PPP2R5A: variants seen among roughly 807,000 people sequenced by gnomAD.
PPP2R5A encodes serine/threonine-protein phosphatase 2A 56 kDa regulatory subunit alpha isoform.
Under a neutral mutation model 64.2 loss-of-function variants are expected in PPP2R5A, and 25 were observed. The ratio of observed to expected loss-of-function variants is 0.39; its 90% CI spans 0.28 to 0.54. PPP2R5A has a LOEUF of 0.54. PPP2R5A is among the 20% of genes least tolerant of loss of function. The probability of loss-of-function intolerance (pLI) is 0.67; values close to 1 mark genes in which losing one functional copy is unlikely to be tolerated. For synonymous variants in PPP2R5A, 198 were observed against 201.2 expected (o/e 0.98, Z 0.13); for missense variants, 425 against 576.3 (o/e 0.74, Z 2.69).
At chr1:212,351,936 CTT>C (rs1007001859) in intron 8 of PPP2R5A, among the ~76,000 whole-genome samples, 2 of 151,588 alleles carry the variant, frequency 1.3e-5, no homozygotes, top group African/African-American at 4.8e-5. Flanking sequence ...GAAAATCTAA[CTT>C]GAGCCCCAAA....
At chr1:212,329,397 TGA>T in intron 2 of PPP2R5A, 66 bp downstream of exon 2, 1 of 1,272,644 alleles carries the variant, frequency 7.9e-7, no homozygotes, top group Non-Finnish European at 1.0e-6. Context: ...AATAATGAAT[TGA>T]GACTGATTTT....
intron 1 of PPP2R5A, chr1:212,299,689 A>G (rs906942237): frequency 6.6e-6 from 1 of 152,196 alleles, no homozygotes; most frequent in Admixed American, 6.5e-5. Context: ...TTTTCCACAT[A>G]CTTTTGTGCT....
chr1:212,348,327 G>A, intron 6 of PPP2R5A, 62 bp from the exon 7 acceptor site: 1 of 1,042,650 alleles, frequency 9.6e-7, no homozygotes. Flanking sequence ...TCATGGATAT[G>A]ACAGCTTTTA....
intron 7 of PPP2R5A, among the ~76,000 whole-genome samples, 157 bp downstream of exon 7, chr1:212,348,654 T>C (rs1163529570): frequency 6.6e-6 from 1 of 152,238 alleles, no homozygotes; most frequent in Non-Finnish European, 1.5e-5. Flanking sequence ...TTAAAGTATT[T>C]AGTTGTTAAG....
In PPP2R5A at chr1:212,324,885, A is replaced by G. The variant is rs577919417; in HGVS notation, c.182-4250A>G. Among the ~76,000 whole-genome samples, 6 of 152,204 alleles carry G rather than the reference A, an allele frequency of 3.9e-5. 1 individual carries two copies. The highest frequency in any genetic ancestry group is 4.1e-4 in the South Asian group (2 of 4,826). On this transcript the variant is annotated intron_variant, in intron 1 of 12. Transcript: ENST00000261461. ...CTCCCAAAGTGCTGGGATTACAAGC[A>G]TGAGCCACCGCACCTGGCATGATTA...
rs529559178 is a variant in PPP2R5A at position 212,331,099 on chromosome 1, C to T, written c.378+1768C>T. Among the ~76,000 whole-genome samples, 6 of 147,056 alleles carry T rather than the reference C, an allele frequency of 4.1e-5. No homozygotes were observed. In the East Asian group the frequency reaches 6.0e-4, roughly 15 times the overall value. On this transcript the variant is annotated intron_variant, in intron 2 of 12. Coordinates refer to ENST00000261461, the MANE Select transcript of PPP2R5A (RefSeq NM_006243.4). ...CGGAGAATTGCTCGAACCTGGGAGG[C>T]GGAGGTTGCAGTGGGCCAAGATTGT...
At chr1:212,327,477 C>G (rs1659425575) in intron 1 of PPP2R5A, among the ~76,000 whole-genome samples, 1 of 152,142 alleles carries the variant, frequency 6.6e-6, no homozygotes, top group African/African-American at 2.4e-5. Flanking sequence ...TGCAGTGGCG[C>G]TATCTCGGCT....
rs111433139 is a variant in PPP2R5A at position 212,357,782 on chromosome 1, G to A, written c.1226+498G>A. On this transcript the variant is annotated intron_variant, in intron 11 of 12. Coordinates refer to ENST00000261461, the MANE Select transcript of PPP2R5A (RefSeq NM_006243.4). ...TGTGCCACCGCACTCTAGCCTGGGC[G>A]ACAGAGCAAGATTCCGTCTCCAAAA... 6.7e-3 allele frequency: 943 copies of A among 141,678 alleles called. 4 individuals are homozygous for A. The highest frequency in any genetic ancestry group is 0.013 in the South Asian group (58 of 4,480). 8.8% of individuals were successfully genotyped at this position (141,678 alleles called of 1,614,324 possible). A position where few individuals can be genotyped will look rare whatever the true frequency, so the allele number is the denominator to read the frequency against.
rs186230433 is a variant in PPP2R5A, at chr1:212,316,512, T to A, written c.182-12623T>A. Among the ~76,000 whole-genome samples the A allele has an allele frequency of 4.8e-3, 722 of 149,214 alleles. 31 individuals are homozygous for A. Among genetic ancestry groups the A allele is most frequent in the Admixed American group, 0.045 (670 of 14,786 alleles). ...TTCTAGACTGGCATTAGAATTCTAA[T>A]AGGATAGCCCCATTATCTTCTGGCA... On this transcript the variant is annotated intron_variant, in intron 1 of 12. Coordinates refer to ENST00000261461, the MANE Select transcript of PPP2R5A (RefSeq NM_006243.4).
chr1:212,294,123 T>C (rs541664048), intron 1 of PPP2R5A, among the ~76,000 whole-genome samples: 1 of 152,364 alleles, frequency 6.6e-6, no homozygotes, highest in African/African-American at 2.4e-5. Context: ...TATATTTTTT[T>C]TCAGCAGAAC....
rs754102244 is a variant in PPP2R5A at position 212,349,252 on chromosome 1, CTATT to C, written c.927+16_927+19del. ...AACACTAACAGAGCCAGTAAGTGTT[CTATT>C]TATTTTCATGTTTTTGGTCTGCATT... On this transcript the variant is annotated intron_variant, in intron 8 of 12. Transcript: ENST00000261461. The C allele has an allele frequency of 3.2e-6, 5 of 1,551,906 alleles. No homozygotes were observed. In the African/African-American group the frequency reaches 6.8e-5, roughly 21 times the overall value.
At chr1:212,321,362 G>T (rs535698041) in intron 1 of PPP2R5A, among the ~76,000 whole-genome samples, 4 of 149,052 alleles carry the variant, frequency 2.7e-5, no homozygotes, top group Non-Finnish European at 6.0e-5. Flanking sequence ...CTGGCCGGGC[G>T]GGGGGCTGAC....
chr1:212,357,537 C>T, intron 11 of PPP2R5A: 1 of 218,742 alleles, frequency 4.6e-6, no homozygotes, highest in Non-Finnish European at 8.7e-6. Flanking sequence ...GGCGCGGTGG[C>T]TCACGCCTGT....
intron 4 of PPP2R5A, among the ~76,000 whole-genome samples, chr1:212,344,968 A>T (rs149915526): frequency 2.0e-5 from 3 of 152,246 alleles, no homozygotes; most frequent in African/African-American, 4.8e-5. Flanking sequence ...GTTTGAGACC[A>T]GCCTGGGCAA....
intron 3 of PPP2R5A, among the ~76,000 whole-genome samples, chr1:212,339,798 C>A (rs1659655673): frequency 6.6e-6 from 1 of 152,084 alleles, no homozygotes; most frequent in East Asian, 1.9e-4. Flanking sequence ...AAGCCTTAAA[C>A]CCTATATTTC....
chr1:212,317,035 C>G (rs1225261387), intron 1 of PPP2R5A, among the ~76,000 whole-genome samples: 1 of 152,164 alleles, frequency 6.6e-6, no homozygotes, highest in Non-Finnish European at 1.5e-5. Flanking sequence ...CACTGTTTCA[C>G]TAGATATTTC....
chr1:212,352,169 G>A (rs1459941872), intron 8 of PPP2R5A, among the ~76,000 whole-genome samples: 2 of 151,084 alleles, frequency 1.3e-5, no homozygotes, highest in South Asian at 4.2e-4. Flanking sequence ...GATAACAGGC[G>A]CCCGATACCA....
At chr1:212,350,915 A>C (rs915335016) in intron 8 of PPP2R5A, among the ~76,000 whole-genome samples, 1 of 151,294 alleles carries the variant, frequency 6.6e-6, no homozygotes, top group African/African-American at 2.4e-5. Context: ...AGGCAGGCGG[A>C]TCACCTCAGG....
In PPP2R5A at chr1:212,331,147, G is replaced by A. The variant is rs559900295; in HGVS notation, c.378+1816G>A. Among the ~76,000 whole-genome samples the A allele has an allele frequency of 1.0e-4, 15 of 142,858 alleles. No homozygotes were observed. The East Asian group carries it at 1.8e-3, about 17-fold the overall frequency. The allele number at this position is 142,858 out of a possible 152,430, so 93.7% of individuals were successfully genotyped here. A position where few individuals can be genotyped will look rare whatever the true frequency, so the allele number is the denominator to read the frequency against. ...TGTGCCACTGCACTCCAGGCTGGGC[G>A]ACAGAATGAGACCTTGTCTCAAAAA... is the stretch of plus-strand genomic sequence containing the variant. On this transcript the variant is annotated intron_variant, in intron 2 of 12. Transcript: ENST00000261461.
Sources: gnomAD v4.1 joint callset for allele counts (sites outside exome capture counted in the v4.1 genomes callset) on GRCh38, gnomAD v4.1.1 for gene constraint, MANE v1.5 for transcripts, NCBI Gene and HGNC (gene_info 2026-07-23, HGNC 2026-07-21) for gene names.